EIF4G3: variants seen among roughly 807,000 people sequenced by gnomAD.
EIF4G3 encodes eukaryotic translation initiation factor 4 gamma 3.
EIF4G3 carries 34 observed loss-of-function variants against 186.4 expected under a neutral mutation model. The ratio of observed to expected loss-of-function variants is 0.18; its 90% CI spans 0.14 to 0.24. EIF4G3 has a LOEUF of 0.24. Among genes scored for constraint, EIF4G3 ranks in the 10% least tolerant of loss-of-function variants. EIF4G3 has a pLI of 1.00. For missense variants in EIF4G3, 1,536 were observed against 1,948.5 expected (o/e 0.79, Z 3.99); for synonymous variants, 673 against 679.5 (o/e 0.99, Z 0.15).
At chr1:20,969,358 G>A in intron 12 of EIF4G3, 116 bp downstream of exon 12, 1 of 1,231,086 alleles carries the variant, frequency 8.1e-7, no homozygotes, top group Non-Finnish European at 1.1e-6. Context: ...AGATATTCGA[G>A]GCTGCGAGAC....
intron 13 of EIF4G3, among the ~76,000 whole-genome samples, chr1:20,942,973 G>C (rs1469797973): frequency 2.0e-5 from 3 of 152,018 alleles, no homozygotes; most frequent in Non-Finnish European, 2.9e-5. Flanking sequence ...ATTCTCAATG[G>C]AAGTATATAA....
In EIF4G3 at chr1:20,985,303, C is replaced by T. The variant is rs373459332; in HGVS notation, c.178-2895G>A. ...CCTACACAACTCCAATTCTCTATCT[C>T]CCAAAAAGTGACTGAAACTTGTTCA... On this transcript the variant is annotated intron_variant, in intron 7 of 36. Transcript: ENST00000602326. 3.2e-4 allele frequency among the ~76,000 whole-genome samples: 48 copies of T among 152,278 alleles called. 1 individual carries two copies. Among genetic ancestry groups the T allele is most frequent in the African/African-American group, 1.1e-3 (44 of 41,568 alleles).
intron 12 of EIF4G3, among the ~76,000 whole-genome samples, chr1:20,968,415 G>T (rs891732575): frequency 1.9e-4 from 29 of 152,010 alleles, no homozygotes; most frequent in Non-Finnish European, 3.2e-4. Context: ...CCAGACCTCG[G>T]GTGATTTGGC....
chr1:21,120,168 T>C (rs2096901633), intron 2 of EIF4G3, among the ~76,000 whole-genome samples: 1 of 150,096 alleles, frequency 6.7e-6, no homozygotes, highest in Non-Finnish European at 1.5e-5. Flanking sequence ...AGATAAATGA[T>C]GCTGTCACTT....
At chr1:20,852,598 G>GCA (rs1324427989) in intron 27 of EIF4G3, among the ~76,000 whole-genome samples, 1 of 152,246 alleles carries the variant, frequency 6.6e-6, no homozygotes, top group East Asian at 1.9e-4. Context: ...AACCAGCTGA[G>GCA]CAAACAGTTC....
chr1:20,934,412 G>A (rs752245924), intron 14 of EIF4G3, among the ~76,000 whole-genome samples: 1 of 152,142 alleles, frequency 6.6e-6, no homozygotes, highest in Non-Finnish European at 1.5e-5. Flanking sequence ...GAAGGTGGTA[G>A]AGAGGCAGTG....
intron 2 of EIF4G3, among the ~76,000 whole-genome samples, chr1:21,091,610 C>T (rs1231578022): frequency 6.6e-6 from 1 of 152,124 alleles, no homozygotes; most frequent in Admixed American, 6.5e-5. Flanking sequence ...GATATTGATT[C>T]TTCCTATCTA....
chr1:20,823,202 G>A (rs2062822990), intron 33 of EIF4G3, among the ~76,000 whole-genome samples: 1 of 151,972 alleles, frequency 6.6e-6, no homozygotes, highest in South Asian at 2.1e-4. Context: ...ACTTCTAGAA[G>A]TCTCAGCCAC....
At chr1:21,114,880 T>C (rs547510541) in intron 2 of EIF4G3, among the ~76,000 whole-genome samples, 2 of 152,320 alleles carry the variant, frequency 1.3e-5, no homozygotes, top group South Asian at 2.1e-4. Context: ...GCAAATCAAT[T>C]GTGCAAGTCA....
intron 2 of EIF4G3, among the ~76,000 whole-genome samples, chr1:21,124,924 T>C (rs1229407757): frequency 6.6e-6 from 1 of 152,194 alleles, no homozygotes; most frequent in Non-Finnish European, 1.5e-5. Flanking sequence ...ATTATCCCTC[T>C]TTAATACCAA....
At chr1:20,851,165 T>G in intron 28 of EIF4G3, 93 bp downstream of exon 28, 1 of 1,175,460 alleles carries the variant, frequency 8.5e-7, no homozygotes, top group Non-Finnish European at 1.2e-6. Flanking sequence ...TATTATGTGT[T>G]AATTCTAAAA....
At chr1:21,081,477 C>T (rs2095785634) in intron 3 of EIF4G3, among the ~76,000 whole-genome samples, 2 of 151,938 alleles carry the variant, frequency 1.3e-5, no homozygotes, top group Admixed American at 1.3e-4. Context: ...TTCATATGAT[C>T]AATCACTCAA....
At chr1:21,023,209 G>T (rs1254867671) in intron 4 of EIF4G3, among the ~76,000 whole-genome samples, 1 of 148,100 alleles carries the variant, frequency 6.8e-6, no homozygotes, top group African/African-American at 2.5e-5. Flanking sequence ...CATAGAAAGT[G>T]GTGTAAGGGC....
Position 20,807,285 on chromosome 1 carries a change from T to G in EIF4G3, c.*34A>C. ...AAACTTTTTAAAAAAATACTTAAAT[T>G]GTTTCTTTTGTTTCATTTTGTGTAT... On this transcript the variant is annotated 3_prime_UTR_variant, in exon 37 of 37. Transcript: ENST00000602326. 1 of 1,540,530 alleles carries G rather than the reference T, an allele frequency of 6.5e-7. No homozygotes were observed. Among genetic ancestry groups the G allele is most frequent in the Non-Finnish European group, 8.8e-7 (1 of 1,136,470 alleles).
At chr1:20,813,025 G>C (rs1348344689) in intron 35 of EIF4G3, 133 bp downstream of exon 35, 1 of 614,514 alleles carries the variant, frequency 1.6e-6, no homozygotes, top group African/African-American at 1.9e-5. Flanking sequence ...ATCACAGACA[G>C]AAAGGACAGT....
At chr1:21,023,836 C>T (rs1219413838) in intron 4 of EIF4G3, among the ~76,000 whole-genome samples, 2 of 143,394 alleles carry the variant, frequency 1.4e-5, no homozygotes, top group Non-Finnish European at 3.1e-5. Context: ...CGGCCGCCAT[C>T]ACATCTACGA....
chr1:20,872,022 T>C (rs1396832437), intron 20 of EIF4G3, among the ~76,000 whole-genome samples: 2 of 152,004 alleles, frequency 1.3e-5, no homozygotes, highest in South Asian at 4.1e-4. Context: ...CAAAATAACA[T>C]AGCACACACT....
Position 20,981,645 on chromosome 1 carries a change from ATG to A in EIF4G3, c.199-420_199-419del, listed in dbSNP as rs1558551943. 9.2e-4 allele frequency among the ~76,000 whole-genome samples: 119 copies of A among 129,572 alleles called. 1 individual carries two copies. The highest frequency in any genetic ancestry group is 1.5e-3 in the Non-Finnish European group (92 of 59,912). The allele number at this position is 129,572 out of a possible 152,430, so 85.0% of individuals were successfully genotyped here. A position where few individuals can be genotyped will look rare whatever the true frequency, so the allele number is the denominator to read the frequency against. ...ACATACATGTATACGCACATACTGT[ATG>A]TATACATACATGTATACGCACATAC... On this transcript the variant is annotated intron_variant, in intron 8 of 36. Coordinates refer to ENST00000602326, the MANE Select transcript of EIF4G3 (RefSeq NM_001391906.1).
intron 4 of EIF4G3, among the ~76,000 whole-genome samples, chr1:21,005,850 A>C (rs568292194): frequency 3.3e-5 from 5 of 152,314 alleles, no homozygotes; most frequent in South Asian, 2.1e-4. Context: ...AAACAGACTT[A>C]AAAAATAAAA....
Sources: allele counts gnomAD v4.1 joint callset (sites outside exome capture counted in the v4.1 genomes callset), GRCh38; gene constraint gnomAD v4.1.1; transcripts MANE v1.5; gene names NCBI Gene and HGNC (gene_info 2026-07-23, HGNC 2026-07-21).